ATF6: variants seen among roughly 807,000 people sequenced by gnomAD.
ATF6 encodes activating transcription factor 6, also known as cyclic AMP-dependent transcription factor ATF-6 alpha.
A neutral mutation model predicts 83.6 loss-of-function variants in ATF6; 53 were observed. The observed-to-expected ratio is 0.63, with a 90% CI of 0.51 to 0.80. The LOEUF is 0.80. Ranked by LOEUF, ATF6 falls within the 30% of genes least tolerant of loss-of-function variation. The pLI, the probability that ATF6 is intolerant of heterozygous loss-of-function variation, is 0.00. For missense variants in ATF6, 744 were observed against 797.9 expected (o/e 0.93, Z 0.81); for synonymous variants, 288 against 285.8 (o/e 1.01, Z -0.08).
At chr1:161,937,889 T>TA (rs71093134) in intron 15 of ATF6, among the ~76,000 whole-genome samples, 94,848 of 148,042 alleles carry the variant, frequency 0.64, 31,851 homozygotes, top group Non-Finnish European at 0.76. Flanking sequence ...GAAAAGATAA[T>TA]AAAAAAAAAA....
At chr1:161,938,842 A>G (rs546625544) in intron 15 of ATF6, among the ~76,000 whole-genome samples, 2 of 152,312 alleles carry the variant, frequency 1.3e-5, no homozygotes, top group African/African-American at 2.4e-5. Flanking sequence ...CTTGCTTTTT[A>G]GTAAAACTTT....
chr1:161,860,227 A>G lies in ATF6; in HGVS notation c.1554A>G (p.Ser518=), dbSNP rs565786379. The change falls in exon 13 of 16, where the codon TCA becomes TCG. Residue 518 remains serine (S), a synonymous_variant. Transcript: ENST00000367942. The part of the protein sequence containing the change: ...RILQGALEQG[S]NSQLMAVQYT... ...TCCAGGGTGCTCTGGAACAGGGCTC[A>G]AATTCTCAGCTGATGGCTGTTCAAT... 1.7e-4 allele frequency: 264 copies of G among 1,594,502 alleles called. 2 individuals carry two copies. The South Asian group carries it at 2.8e-3, about 17-fold the overall frequency.
At chr1:161,893,529 C>T (rs1449730060) in intron 14 of ATF6, among the ~76,000 whole-genome samples, 2 of 152,182 alleles carry the variant, frequency 1.3e-5, no homozygotes, top group Non-Finnish European at 2.9e-5. Flanking sequence ...ATTCTTTTGT[C>T]GACCTTCTGA....
chr1:161,780,363 TTTTTTA>T (rs758170576), intron 2 of ATF6, among the ~76,000 whole-genome samples: 3 of 151,900 alleles, frequency 2.0e-5, no homozygotes, highest in Non-Finnish European at 4.4e-5. Context: ...TGAGGTGTAT[TTTTTTA>T]TTTTTATTTT....
intron 14 of ATF6, among the ~76,000 whole-genome samples, chr1:161,883,952 C>T (rs16859709): frequency 0.012 from 1,854 of 151,924 alleles, 36 homozygotes; most frequent in African/African-American, 0.043. Context: ...GCTTTTGGGT[C>T]AGCTTTTAAA....
intron 5 of ATF6, 81 bp downstream of exon 5, chr1:161,791,618 T>A (rs1450294924): frequency 2.1e-6 from 3 of 1,444,144 alleles, no homozygotes; most frequent in South Asian, 1.4e-5. Flanking sequence ...AATGCTGGAT[T>A]AAATTTATGT....
intron 14 of ATF6, among the ~76,000 whole-genome samples, chr1:161,894,560 A>G (rs1276294207): frequency 1.2e-5 from 1 of 85,426 alleles, no homozygotes; most frequent in African/African-American, 4.7e-5. Context: ...TTTTTGAGAC[A>G]GAGTTTCACT....
At chr1:161,781,167 T>C (rs1684628200) in intron 2 of ATF6, among the ~76,000 whole-genome samples, 1 of 152,254 alleles carries the variant, frequency 6.6e-6, no homozygotes, top group Non-Finnish European at 1.5e-5. Flanking sequence ...ATGTATATAG[T>C]ATAAGGTGGT....
intron 14 of ATF6, among the ~76,000 whole-genome samples, chr1:161,911,349 A>T (rs1470431856): frequency 6.6e-6 from 1 of 152,354 alleles, no homozygotes; most frequent in East Asian, 1.9e-4. Flanking sequence ...TACTGAAAAC[A>T]GTAGTTAATA....
chr1:161,872,005 C>A (rs1327607471), intron 14 of ATF6, among the ~76,000 whole-genome samples: 1 of 151,496 alleles, frequency 6.6e-6, no homozygotes, highest in Non-Finnish European at 1.5e-5. Context: ...CAAGGTGGGG[C>A]TATAAATTAA....
chr1:161,812,266 G>A (rs939509040), intron 7 of ATF6, among the ~76,000 whole-genome samples: 10 of 136,992 alleles, frequency 7.3e-5, no homozygotes, highest in African/African-American at 2.8e-4. Flanking sequence ...TGCTTCTTTA[G>A]TGATTAAATA....
At chr1:161,785,758 T>C (rs1188120959) in intron 4 of ATF6, among the ~76,000 whole-genome samples, 1 of 152,190 alleles carries the variant, frequency 6.6e-6, no homozygotes, top group Non-Finnish European at 1.5e-5. Context: ...TTTTGCTAGA[T>C]ACTGCCAAAT....
chr1:161,924,011 T>G (rs566520724), intron 15 of ATF6, among the ~76,000 whole-genome samples: 2 of 152,248 alleles, frequency 1.3e-5, no homozygotes, highest in African/African-American at 2.4e-5. Flanking sequence ...TTTTTATTTT[T>G]TAATGTTAAG....
chr1:161,771,122 T>A (rs1684379974), intron 1 of ATF6, among the ~76,000 whole-genome samples: 1 of 152,172 alleles, frequency 6.6e-6, no homozygotes, highest in Non-Finnish European at 1.5e-5. Context: ...TCTGTATGTT[T>A]TACCCTCCTC....
intron 14 of ATF6, among the ~76,000 whole-genome samples, chr1:161,892,371 AGAAT>A (rs1001815610): frequency 6.6e-6 from 1 of 152,236 alleles, no homozygotes; most frequent in African/African-American, 2.4e-5. Flanking sequence ...TACTTCCCTT[AGAAT>A]GAAAAGAGGA....
intron 14 of ATF6, among the ~76,000 whole-genome samples, chr1:161,902,474 G>A (rs908166621): frequency 1.3e-5 from 2 of 152,188 alleles, no homozygotes; most frequent in African/African-American, 2.4e-5. Flanking sequence ...AGACTAGCTT[G>A]GTGCCACTAC....
intron 1 of ATF6, among the ~76,000 whole-genome samples, chr1:161,777,365 T>G (rs931800691): frequency 2.0e-5 from 3 of 152,172 alleles, no homozygotes; most frequent in Admixed American, 1.3e-4. Context: ...TAAATACTAT[T>G]TTGTCTTAGG....
At chr1:161,815,832 G>A (rs1188414162) in intron 7 of ATF6, among the ~76,000 whole-genome samples, 1 of 152,198 alleles carries the variant, frequency 6.6e-6, no homozygotes, top group East Asian at 1.9e-4. Context: ...CCCAGCTACT[G>A]GGGAGCCTGA....
chr1:161,773,289 A>G (rs1228525499), intron 1 of ATF6, among the ~76,000 whole-genome samples: 1 of 151,826 alleles, frequency 6.6e-6, no homozygotes, highest in Non-Finnish European at 1.5e-5. Flanking sequence ...ACCTGCTACC[A>G]CACCTGGCTA....
Sources: gnomAD v4.1 joint callset for allele counts (sites outside exome capture counted in the v4.1 genomes callset) on GRCh38, gnomAD v4.1.1 for gene constraint, MANE v1.5 for transcripts, NCBI Gene and HGNC (gene_info 2026-07-23, HGNC 2026-07-21) for gene names.